ARHGEF10L: variants seen among roughly 807,000 people sequenced by gnomAD.
ARHGEF10L encodes the protein rho guanine nucleotide exchange factor 10-like protein.
ARHGEF10L carries 69 observed loss-of-function variants against 141.2 expected under a neutral mutation model. The ratio of observed to expected loss-of-function variants is 0.49; its 90% CI spans 0.40 to 0.60. The LOEUF is 0.60. ARHGEF10L is among the 20% of genes least tolerant of loss of function. The pLI, the probability that ARHGEF10L is intolerant of heterozygous loss-of-function variation, is 0.00. For synonymous variants in ARHGEF10L, 711 were observed against 718.5 expected (o/e 0.99, Z 0.17); for missense variants, 1,482 against 1,734.3 (o/e 0.85, Z 2.58).
chr1:17,669,806 GA>G (rs1429195293), intron 26 of ARHGEF10L, among the ~76,000 whole-genome samples: 1 of 152,266 alleles, frequency 6.6e-6, no homozygotes, highest in African/African-American at 2.4e-5. Context: ...TGGAGGCACA[GA>G]AATGAGCAAG....
At chr1:17,549,697 T>C (rs915879893) in intron 1 of ARHGEF10L, among the ~76,000 whole-genome samples, 1 of 152,164 alleles carries the variant, frequency 6.6e-6, no homozygotes, top group African/African-American at 2.4e-5. Context: ...TTACTCTAGG[T>C]GCAAAAGGAA....
At position 17,643,070 on chromosome 1, in the gene ARHGEF10L, A is replaced by G. The variant is rs2061412106; in HGVS notation, c.2272+2768A>G. On this transcript the variant is annotated intron_variant, in intron 21 of 28. Transcript: ENST00000361221. Reference sequence around the variant, plus strand: ...TGGAAGAAGAGTCATTTGAAATCTTATTTGAATGCCTGGGTTCCCCTGGGG... The same window carrying G: ...TGGAAGAAGAGTCATTTGAAATCTTGTTTGAATGCCTGGGTTCCCCTGGGG... Among the ~76,000 whole-genome samples the G allele has an allele frequency of 2.0e-5, 3 of 152,134 alleles. No homozygotes were observed. The South Asian group carries it at 6.2e-4, about 31-fold the overall frequency.
the ARHGEF10L span, among the ~76,000 whole-genome samples, chr1:17,531,075 G>T: frequency 6.6e-6 from 1 of 152,128 alleles, no homozygotes; most frequent in Admixed American, 6.6e-5. Flanking sequence ...TCTTGCAAGA[G>T]TCAATGGGAT....
At chr1:17,689,393 C>G (rs974513520) in intron 27 of ARHGEF10L, among the ~76,000 whole-genome samples, 3 of 151,506 alleles carry the variant, frequency 2.0e-5, no homozygotes, top group Non-Finnish European at 4.4e-5. Flanking sequence ...ACCCTTCACT[C>G]ACGTTCTCCT....
At chr1:17,592,796 T>C (rs960056696) in intron 4 of ARHGEF10L, among the ~76,000 whole-genome samples, 1 of 152,168 alleles carries the variant, frequency 6.6e-6, no homozygotes, top group Admixed American at 6.5e-5. Flanking sequence ...CCGGAACATT[T>C]GAGCCTCCTG....
At chr1:17,612,909 A>ATG (rs2059620726) in intron 7 of ARHGEF10L, 149 bp from the exon 8 acceptor site, 2 of 635,230 alleles carry the variant, frequency 3.1e-6, no homozygotes, top group Non-Finnish European at 5.7e-6. Context: ...GCTGCCTGGG[A>ATG]CCTGGGGTGC....
chr1:17,579,208 A>G (rs1039034145), intron 1 of ARHGEF10L, among the ~76,000 whole-genome samples: 5 of 152,136 alleles, frequency 3.3e-5, no homozygotes, highest in African/African-American at 1.2e-4. Flanking sequence ...TTTAGTAGAG[A>G]TGGAGTTTCA....
intron 27 of ARHGEF10L, chr1:17,691,063 A>G (rs871088): frequency 0.85 from 378,955 of 443,226 alleles, 162,387 homozygotes; most frequent in East Asian, 0.91. Context: ...TTCCACTCGC[A>G]TACTCGACTG....
At position 17,607,879 on chromosome 1, in the gene ARHGEF10L, T is replaced by C; in HGVS notation, c.511T>C (p.Ser171Pro). 1 of 1,578,412 alleles carries C rather than the reference T, an allele frequency of 6.3e-7. No homozygotes were observed. The highest frequency in any genetic ancestry group is 8.6e-7 in the Non-Finnish European group (1 of 1,164,620). ...PRQAEDLGWS[S>P]SEFESYSEDS... is the part of the protein sequence containing the mutation. ...GCAGGCGGAGGACCTAGGCTGGAGCTCCAGTGAGTTCGAGAGCTACAGCGA... is the reference window on the plus strand; with the variant it reads ...GCAGGCGGAGGACCTAGGCTGGAGCCCCAGTGAGTTCGAGAGCTACAGCGA... The change falls in exon 7 of 29, where the codon TCC becomes CCC. Residue 171 changes from serine to proline, a missense_variant. Physicochemically the swap from Ser to Pro is moderately conservative, Grantham distance 74 (BLOSUM62 -1). Around this residue, in one of 3 missense-constraint regions of ARHGEF10L, gnomAD observed 392 missense variants for 542.1 expected, o/e 0.72. Transcript: ENST00000361221. The surrounding 1 kb of genome is among the most constrained non-coding windows in gnomAD (Gnocchi z 4.5).
intron 10 of ARHGEF10L, among the ~76,000 whole-genome samples, chr1:17,620,205 C>CA (rs71575849): frequency 0.52 from 60,770 of 117,272 alleles, 14,414 homozygotes; most frequent in East Asian, 0.68. Context: ...GACTCTGTCT[C>CA]AAAAAAAAAA....
intron 4 of ARHGEF10L, among the ~76,000 whole-genome samples, chr1:17,601,458 C>CT (rs2080674814): frequency 6.6e-6 from 1 of 152,084 alleles, no homozygotes; most frequent in Admixed American, 6.5e-5. Context: ...TTTCTTTTTC[C>CT]TTTTTTTGAT....
intron 2 of ARHGEF10L, among the ~76,000 whole-genome samples, chr1:17,584,882 C>T (rs569821306): frequency 6.6e-6 from 1 of 151,626 alleles, no homozygotes; most frequent in East Asian, 1.9e-4. Flanking sequence ...CACACACACC[C>T]CTACCCAATG....
chr1:17,518,518 G>A, the ARHGEF10L span, among the ~76,000 whole-genome samples: 3 of 152,154 alleles, frequency 2.0e-5, no homozygotes, highest in Non-Finnish European at 2.9e-5. Flanking sequence ...GAGGCCAGGC[G>A]CAGTGGCTCA....
chr1:17,659,930 G>C (rs1400883341), intron 25 of ARHGEF10L, among the ~76,000 whole-genome samples: 2 of 152,224 alleles, frequency 1.3e-5, no homozygotes, highest in Non-Finnish European at 2.9e-5. Flanking sequence ...GGCAGAGCTG[G>C]AGTGGCCTCA....
chr1:17,554,962 G>A (rs921953260), intron 1 of ARHGEF10L, among the ~76,000 whole-genome samples: 6 of 152,130 alleles, frequency 3.9e-5, no homozygotes, highest in Non-Finnish European at 7.3e-5. Context: ...CCAATCAGGA[G>A]AACAAGAACA....
chr1:17,578,157 G>C (rs2078298243), intron 1 of ARHGEF10L, among the ~76,000 whole-genome samples: 1 of 152,208 alleles, frequency 6.6e-6, no homozygotes, highest in Admixed American at 6.5e-5. Context: ...TCTTTCTGCT[G>C]CTTCCCTCCT....
intron 1 of ARHGEF10L, among the ~76,000 whole-genome samples, chr1:17,547,282 A>C (rs1257608517): frequency 6.6e-6 from 1 of 152,252 alleles, no homozygotes; most frequent in Non-Finnish European, 1.5e-5. Flanking sequence ...ACCTTCTTGC[A>C]GATACATCCC....
At chr1:17,606,750 G>A (rs1171723563) in intron 6 of ARHGEF10L, among the ~76,000 whole-genome samples, 1 of 152,188 alleles carries the variant, frequency 6.6e-6, no homozygotes, top group East Asian at 1.9e-4. Context: ...GGTAACAGAT[G>A]AAGAAATGAA....
chr1:17,523,084 ATT>A, the ARHGEF10L span, among the ~76,000 whole-genome samples: 5,472 of 115,414 alleles, frequency 0.047, 125 homozygotes, highest in Non-Finnish European at 0.062. Flanking sequence ...TTTGTTTTCC[ATT>A]TTTTTTTTTT....
Sources: allele counts gnomAD v4.1 joint callset (sites outside exome capture counted in the v4.1 genomes callset), GRCh38; gene constraint gnomAD v4.1.1; regional missense constraint gnomAD v4.1.1; non-coding constraint Gnocchi (gnomAD v3.1); transcripts MANE v1.5; gene names NCBI Gene and HGNC (gene_info 2026-07-23, HGNC 2026-07-21).